Variants in CHD5 observed in about 807,000 individuals in gnomAD.
CHD5 encodes ATP-dependent chromatin remodeler CHD5.
Under a neutral mutation model 230.3 loss-of-function variants are expected in CHD5, and 69 were observed. That is an observed-to-expected ratio of 0.30 (90% CI 0.25 to 0.37). The LOEUF (loss-of-function observed/expected upper bound fraction) is 0.37, where lower values mean the gene tolerates loss of function less well. Ranked by LOEUF, CHD5 falls within the 10% of genes least tolerant of loss-of-function variation. The pLI, the probability that CHD5 is intolerant of heterozygous loss-of-function variation, is 1.00. For missense variants in CHD5, 1,827 were observed against 2,622.8 expected, an observed-to-expected ratio of 0.70 and a Z score of 6.63; for synonymous variants, 1,064 against 1,065.9, an observed-to-expected ratio of 1.00 and a Z score of 0.03.
rs759181253 is a variant in CHD5, at chr1:6,142,331, GGA to G, written c.2236-5_2236-4del. 5.6e-6 allele frequency: 9 copies of G among 1,601,880 alleles called. No individual in the cohort carries two copies. The highest frequency in any genetic ancestry group is 1.3e-5 in the African/African-American group (1 of 74,782). On this transcript the variant is annotated splice_region_variant and splice_polypyrimidine_tract_variant and intron_variant, in intron 14 of 41. Coordinates refer to ENST00000262450, the MANE Select transcript of CHD5 (RefSeq NM_015557.3). The surrounding 1 kb of genome is among the most constrained non-coding windows in gnomAD (Gnocchi z 5.2). The stretch of plus-strand genomic sequence containing the variant: ...AGGTAGGGCCCTTTGGAGTGGCCCT[GGA>G]GAGAGAGGCCGATGCCGTGAGACCA...
In CHD5 at chr1:6,106,845, A is replaced by AGGATGGAG. The variant is rs1386789621; in HGVS notation, c.5579-74_5579-67dup. 1.2e-3 allele frequency: 534 copies of AGGATGGAG among 458,906 alleles called. 11 individuals carry two copies. Among genetic ancestry groups the AGGATGGAG allele is most frequent in the Middle Eastern group, 2.6e-3 (3 of 1,150 alleles). The allele number at this position is 458,906 out of a possible 1,614,324, so 28.4% of individuals were successfully genotyped here. A position where few individuals can be genotyped will look rare whatever the true frequency, so the allele number is the denominator to read the frequency against. ...AGGGGTGGAGGGATGGAGGAGTGGAAGGATGGAGGGATGGAGGGGTGGAGG... is the reference window on the plus strand; with the variant it reads ...AGGGGTGGAGGGATGGAGGAGTGGAAGGATGGAGGGATGGAGGGATGGAGGGGTGGAGG... On this transcript the variant is annotated intron_variant, in intron 38 of 41. Transcript: ENST00000262450.
chr1:6,145,137 G>C (rs1666891177), intron 11 of CHD5, among the ~76,000 whole-genome samples: 1 of 152,052 alleles, frequency 6.6e-6, no homozygotes, highest in South Asian at 2.1e-4. Flanking sequence ...CATAGTTGAA[G>C]GGGGGCAGTT....
At chr1:6,144,667 A>G (rs1666882279) in intron 11 of CHD5, among the ~76,000 whole-genome samples, 1 of 152,222 alleles carries the variant, frequency 6.6e-6, no homozygotes, top group Non-Finnish European at 1.5e-5. Flanking sequence ...CCCAGTGACC[A>G]AGCCCAGCAG....
Position 6,136,528 on chromosome 1 carries a change from T to G in CHD5, c.2685A>C (p.Pro895=), listed in dbSNP as rs762296362. Residue 895 remains proline (P), a synonymous_variant, in exon 17 of 42, where the codon CCA becomes CCC. Coordinates refer to ENST00000262450, the MANE Select transcript of CHD5 (RefSeq NM_015557.3). ...ELFHLLNFLT[P]ERFNNLEGFL... ...TCCAGGTGACTCACTTGAACCTCTC[T>G]GGAGTCAGGAAGTTGAGGAGATGGA... The G allele has an allele frequency of 6.2e-7, 1 of 1,613,874 alleles. No homozygotes were observed. The highest frequency in any genetic ancestry group is 8.5e-7 in the Non-Finnish European group (1 of 1,180,010).
At chr1:6,137,200 C>A (rs1057021913) in intron 15 of CHD5, among the ~76,000 whole-genome samples, 5 of 152,148 alleles carry the variant, frequency 3.3e-5, no homozygotes, top group Non-Finnish European at 5.9e-5. Flanking sequence ...CTCCACCTCC[C>A]AGGCTCAAGC....
At chr1:6,124,229 T>C in intron 30 of CHD5, 122 bp from the exon 31 acceptor site, 1 of 963,214 alleles carries the variant, frequency 1.0e-6, no homozygotes, top group Non-Finnish European at 1.5e-6. Flanking sequence ...AGCTGCTACC[T>C]CCGCCCAAGG....
chr1:6,174,492 GGATA>G (rs553769953), intron 1 of CHD5, among the ~76,000 whole-genome samples: 24 of 148,522 alleles, frequency 1.6e-4, no homozygotes, highest in Middle Eastern at 3.4e-3. Flanking sequence ...GTAGATGGAT[GGATA>G]GATGGATGGA....
intron 20 of CHD5, among the ~76,000 whole-genome samples, chr1:6,133,474 G>A (rs1666690426): frequency 6.6e-6 from 1 of 152,234 alleles, no homozygotes; most frequent in South Asian, 2.1e-4. Context: ...TGAGCAAGGG[G>A]CCTGGCTCAG....
In CHD5 at chr1:6,106,738, CG is replaced by C; in HGVS notation, c.5619del (p.Asp1874ThrfsTer2). On this transcript the variant is annotated frameshift_variant, in exon 39 of 42. Transcript: ENST00000262450. LOFTEE classifies it high-confidence loss of function. The part of the protein sequence containing the change: ...QLEELLSDMK[A>X]DVTRLPSMLS... ...AGCATGGATGGCAGCCGGGTCACGT[CG>C]GCCTTCATGTCGCTCAGCAGCTCCT... 1 of 1,611,750 alleles carries C rather than the reference CG, an allele frequency of 6.2e-7. No homozygotes were observed. The highest frequency in any genetic ancestry group is 8.5e-7 in the Non-Finnish European group (1 of 1,179,716).
intron 11 of CHD5, 70 bp from the exon 12 acceptor site, chr1:6,144,225 T>A: frequency 1.3e-6 from 2 of 1,595,770 alleles, no homozygotes; most frequent in Non-Finnish European, 1.7e-6. Context: ...GAAGGGCACC[T>A]CCCAGGATGC....
At position 6,131,790 on chromosome 1, in the gene CHD5, G is replaced by T; in HGVS notation, c.3145-42C>A. 1 of 1,363,498 alleles carries T rather than the reference G, an allele frequency of 7.3e-7. No individual in the cohort carries two copies. The highest frequency in any genetic ancestry group is 1.0e-6 in the Non-Finnish European group (1 of 957,342). 84.5% of individuals were successfully genotyped at this position (1,363,498 alleles called of 1,614,324 possible). A position where few individuals can be genotyped will look rare whatever the true frequency, so the allele number is the denominator to read the frequency against. On this transcript the variant is annotated intron_variant, in intron 20 of 41. Transcript: ENST00000262450. The surrounding 1 kb of genome is among the most constrained non-coding windows in gnomAD (Gnocchi z 5.0). ...CACGTGAGGAACTGCCAAGGAGCAAGGGGCCCCATGGGCCATGGGCGGGGA... is the reference window on the plus strand; with the variant it reads ...CACGTGAGGAACTGCCAAGGAGCAATGGGCCCCATGGGCCATGGGCGGGGA...
chr1:6,152,006 C>T (rs533768138), intron 6 of CHD5, among the ~76,000 whole-genome samples: 23 of 152,232 alleles, frequency 1.5e-4, no homozygotes, highest in Non-Finnish European at 1.8e-4. Flanking sequence ...TCTCTAGGGT[C>T]CAGCCCCCAC....
In CHD5 at chr1:6,121,193, G is replaced by A. The variant is rs777565554; in HGVS notation, c.4824C>T (p.His1608=). The part of the protein sequence containing the change: ...ALDRVESEDK[H]ESPASKERAR... The stretch of plus-strand genomic sequence containing the variant: ...CTCTCTCCTTGCTGGCTGGGCTCTC[G>A]TGCTTGTCCTCACTCTCCACTCTAT... The change falls in exon 33 of 42, where the codon CAC becomes CAT. Residue 1608 remains histidine, a synonymous_variant. Transcript: ENST00000262450. The surrounding 1 kb of genome is among the most constrained non-coding windows in gnomAD (Gnocchi z 4.5). 40 of 1,613,748 alleles carry A rather than the reference G, an allele frequency of 2.5e-5. No homozygotes were observed. The highest frequency in any genetic ancestry group is 5.3e-5 in the African/African-American group (4 of 74,866).
At chr1:6,114,076 C>T (rs752348319) in intron 33 of CHD5, among the ~76,000 whole-genome samples, 11 of 152,046 alleles carry the variant, frequency 7.2e-5, no homozygotes, top group African/African-American at 1.5e-4. Context: ...GGTGAAACCC[C>T]GTCTCTACCA....
intron 15 of CHD5, among the ~76,000 whole-genome samples, chr1:6,141,724 C>T (rs944418070): frequency 1.3e-5 from 2 of 152,156 alleles, no homozygotes; most frequent in Admixed American, 1.3e-4. Flanking sequence ...CAGACACAAA[C>T]GGGAAAACCC....
Position 6,127,492 on chromosome 1 carries a change from A to G in CHD5, c.3903+554T>C, listed in dbSNP as rs564947734. On this transcript the variant is annotated intron_variant, in intron 25 of 41. Transcript: ENST00000262450. ...CAGAGCGAGACTCCATTTCAAGAAA[A>G]AAAAAAAAAGAAAATTGTGGGCCGT... is the stretch of plus-strand genomic sequence containing the variant. Among the ~76,000 whole-genome samples the G allele has an allele frequency of 1.5e-3, 220 of 150,978 alleles. 1 individual carries two copies. The highest frequency in any genetic ancestry group is 5.2e-3 in the African/African-American group (209 of 40,520).
rs777129290 is a variant in CHD5 at position 6,136,815 on chromosome 1, G to A, written c.2487C>T (p.Ile829=). The A allele has an allele frequency of 3.7e-6, 6 of 1,613,880 alleles. No individual in the cohort carries two copies. The Admixed American group carries it at 6.7e-5, about 18-fold the overall frequency. ...FHVLLTSYEL[I]TIDQAILGSI... ...AGCCCAGGATGGCCTGGTCAATGGT[G>A]ATGAGCTCATAGGAGGTGAGCAGCA... The change falls in exon 16 of 42, where the codon ATC becomes ATT. Residue 829 remains isoleucine, a synonymous_variant. Coordinates refer to ENST00000262450, the MANE Select transcript of CHD5 (RefSeq NM_015557.3).
At chr1:6,108,143 A>ACG in intron 38 of CHD5, among the ~76,000 whole-genome samples, 1 of 122,948 alleles carries the variant, frequency 8.1e-6, no homozygotes, top group East Asian at 3.0e-4. Context: ...GGAGGGATGG[A>ACG]GGAATGATGG....
In CHD5 at chr1:6,142,956, T is replaced by C. The variant is rs994755066; in HGVS notation, c.2044-351A>G. Among the ~76,000 whole-genome samples the C allele has an allele frequency of 1.3e-5, 2 of 152,220 alleles. No homozygotes were observed. The highest frequency in any genetic ancestry group is 4.8e-5 in the African/African-American group (2 of 41,460). On this transcript the variant is annotated intron_variant, in intron 13 of 41. Transcript: ENST00000262450. The surrounding 1 kb of genome is among the most constrained non-coding windows in gnomAD (Gnocchi z 5.2). ...AGTACCACACAGTGCCTGGGACATG[T>C]GGTCACTTACTCACCATTTTTTGGA...
Sources: gnomAD v4.1 joint callset for allele counts (sites outside exome capture counted in the v4.1 genomes callset) on GRCh38, gnomAD v4.1.1 for gene constraint, Gnocchi (gnomAD v3.1) non-coding constraint, MANE v1.5 for transcripts, NCBI Gene and HGNC (gene_info 2026-07-23, HGNC 2026-07-21) for gene names.